Variants in NR2C2 observed in about 807,000 individuals in gnomAD.
The protein encoded by NR2C2 is nuclear receptor subfamily 2 group C member 2.
In NR2C2, 6 loss-of-function variants were observed where a neutral mutation model predicts 62.9. That is an observed-to-expected ratio of 0.10 (90% CI 0.05 to 0.19). The LOEUF (loss-of-function observed/expected upper bound fraction) is 0.19. NR2C2 is among the 10% of genes least tolerant of loss of function. NR2C2 has a pLI of 1.00. For missense variants in NR2C2, 479 were observed against 762.7 expected (o/e 0.63, Z 4.38); for synonymous variants, 272 against 273.8 (o/e 0.99, Z 0.07).
chr3:15,038,095 T>C lies in NR2C2; in HGVS notation c.1468T>C (p.Tyr490His). ...CATGGCGAAGCTGGATATAGATGGC[T>C]ATGAGTATGCATACCTTAAAGCTAT... ...NSMAKLDIDG[Y>H]EYAYLKAIVL... The change falls in exon 12 of 14, where the codon TAT becomes CAT. Residue 490 changes from tyrosine (Y) to histidine (H), a missense_variant. By Grantham distance (83) the Tyr-to-His change is moderately conservative. Transcript: ENST00000425241. The C allele has an allele frequency of 6.2e-7, 1 of 1,614,130 alleles. No individual in the cohort carries two copies. The highest frequency in any genetic ancestry group is 8.5e-7 in the Non-Finnish European group (1 of 1,180,008).
At chr3:14,989,216 C>T (rs141503296) in intron 1 of NR2C2, among the ~76,000 whole-genome samples, 17 of 152,296 alleles carry the variant, frequency 1.1e-4, no homozygotes, top group African/African-American at 3.8e-4. Context: ...GCTCCCTCCC[C>T]TCAGTGGCTT....
rs539384869 is a variant in NR2C2 at position 14,979,292 on chromosome 3, T to C, written c.-39-24584T>C. Among the ~76,000 whole-genome samples, 130 of 152,354 alleles carry C rather than the reference T, an allele frequency of 8.5e-4. 1 individual carries two copies. The Middle Eastern group carries it at 0.014, about 16-fold the overall frequency. ...AAAGTATTACTATTAGTAAACCAAA[T>C]TGAAATTGTTCATTGATGGACTGCA... On this transcript the variant is annotated intron_variant, in intron 1 of 13. Transcript: ENST00000425241.
chr3:15,023,064 C>T, intron 5 of NR2C2, 136 bp from the exon 6 acceptor site: 2 of 939,582 alleles, frequency 2.1e-6, no homozygotes, highest in Non-Finnish European at 3.1e-6. Context: ...GCCGAAAAGT[C>T]CACTGTGAAA....
intron 2 of NR2C2, among the ~76,000 whole-genome samples, chr3:15,011,567 G>C (rs1191147970): frequency 6.6e-6 from 1 of 152,126 alleles, no homozygotes; most frequent in Non-Finnish European, 1.5e-5. Context: ...TTATGTTTCT[G>C]GGGGACTCCG....
At chr3:15,020,285 A>G (rs1381113275) in intron 4 of NR2C2, among the ~76,000 whole-genome samples, 2 of 152,222 alleles carry the variant, frequency 1.3e-5, no homozygotes, top group East Asian at 3.8e-4. Context: ...GGCTAAATGC[A>G]GGAGTGAGAC....
At chr3:15,029,361 C>T (rs1344479940) in intron 8 of NR2C2, among the ~76,000 whole-genome samples, 1 of 152,044 alleles carries the variant, frequency 6.6e-6, no homozygotes, top group Non-Finnish European at 1.5e-5. Flanking sequence ...ATGCCGATAA[C>T]TGCTACTAAG....
intron 11 of NR2C2, 147 bp downstream of exon 11, chr3:15,034,956 T>G (rs1254590791): frequency 1.2e-6 from 1 of 801,136 alleles, no homozygotes; most frequent in Non-Finnish European, 1.9e-6. Flanking sequence ...AGCCTCAGTT[T>G]CCCACAGCAT....
At chr3:14,995,200 T>C (rs2040797452) in intron 1 of NR2C2, among the ~76,000 whole-genome samples, 1 of 151,216 alleles carries the variant, frequency 6.6e-6, no homozygotes, top group South Asian at 2.1e-4. Context: ...CAAGTTTCAC[T>C]ATGTTGCCCA....
At chr3:14,977,692 A>G (rs2040245719) in intron 1 of NR2C2, among the ~76,000 whole-genome samples, 1 of 152,120 alleles carries the variant, frequency 6.6e-6, no homozygotes, top group Admixed American at 6.5e-5. Context: ...TAGCCGGGCA[A>G]AATGGCTCAT....
At chr3:14,961,495 TGGACCTTG>T (rs1296484177) in intron 1 of NR2C2, among the ~76,000 whole-genome samples, 1 of 152,248 alleles carries the variant, frequency 6.6e-6, no homozygotes, top group East Asian at 1.9e-4. Flanking sequence ...TGTTCTCCTG[TGGACCTTG>T]GGACCTATAC....
rs1209727829 is a variant in NR2C2, at chr3:15,047,810, A to G, written c.*4802A>G. On this transcript the variant is annotated 3_prime_UTR_variant, in exon 14 of 14. Transcript: ENST00000425241. The stretch of plus-strand genomic sequence containing the variant: ...ATCTCAAGTTACTTCTCTAACTGTA[A>G]GCATGTAAATGACTTTAACTCCTTT... 6.6e-6 allele frequency: 1 copy of G among 152,270 alleles called. No homozygotes were observed. Among genetic ancestry groups the G allele is most frequent in the East Asian group, 1.9e-4 (1 of 5,206 alleles). 9.4% of individuals were successfully genotyped at this position (152,270 alleles called of 1,614,324 possible). A position where few individuals can be genotyped will look rare whatever the true frequency, so the allele number is the denominator to read the frequency against.
intron 1 of NR2C2, among the ~76,000 whole-genome samples, chr3:14,991,154 G>A (rs2040659609): frequency 6.6e-6 from 1 of 152,174 alleles, no homozygotes; most frequent in African/African-American, 2.4e-5. Context: ...ACTGGCTAAT[G>A]AATTCTGATA....
At chr3:15,001,340 G>GTT (rs1341013518) in intron 1 of NR2C2, among the ~76,000 whole-genome samples, 56 of 75,890 alleles carry the variant, frequency 7.4e-4, no homozygotes, top group Middle Eastern at 8.1e-3. Flanking sequence ...TTTTTTTTTG[G>GTT]TTTTTTTTTT....
chr3:14,991,808 G>A (rs1444941578), intron 1 of NR2C2, among the ~76,000 whole-genome samples: 2 of 134,426 alleles, frequency 1.5e-5, no homozygotes, highest in East Asian at 4.3e-4. Context: ...CTATCTCAAA[G>A]GCTGGAGCAC....
intron 12 of NR2C2, chr3:15,038,770 CA>C (rs2042171540): frequency 1.0e-5 from 2 of 192,446 alleles, no homozygotes; most frequent in Admixed American, 5.3e-5. Flanking sequence ...AAAATTGGGA[CA>C]AATTATATAA....
chr3:15,020,642 G>T (rs944753805), intron 4 of NR2C2, 111 bp from the exon 5 acceptor site: 13 of 1,246,058 alleles, frequency 1.0e-5, no homozygotes, highest in Non-Finnish European at 1.4e-5. Context: ...ATCTAACAGT[G>T]TATGGCACCC....
At chr3:14,948,668 G>C (rs1331101318) in intron 1 of NR2C2, 1 of 152,936 alleles carries the variant, frequency 6.5e-6, no homozygotes, top group East Asian at 1.9e-4. Flanking sequence ...CAGCAGGTGG[G>C]CTGCTTCCCT....
At chr3:14,979,100 A>G (rs1574954341) in intron 1 of NR2C2, among the ~76,000 whole-genome samples, 2 of 152,336 alleles carry the variant, frequency 1.3e-5, no homozygotes, top group South Asian at 4.1e-4. Flanking sequence ...TCTGTCCTCC[A>G]AAAGTATGTC....
chr3:15,013,566 A>G (rs757010888), intron 2 of NR2C2, 23 bp from the exon 3 acceptor site: 32 of 1,608,350 alleles, frequency 2.0e-5, no homozygotes, highest in Non-Finnish European at 2.7e-5. Flanking sequence ...CCATGAGAGC[A>G]GCCTCCATGT....
Sources: gnomAD v4.1 joint callset for allele counts (sites outside exome capture counted in the v4.1 genomes callset) on GRCh38, gnomAD v4.1.1 for gene constraint, MANE v1.5 for transcripts, NCBI Gene and HGNC (gene_info 2026-07-23, HGNC 2026-07-21) for gene names.